Variants in POU6F2 observed in about 807,000 individuals in gnomAD.
The protein encoded by POU6F2 is POU domain, class 6, transcription factor 2.
A neutral mutation model predicts 71.3 loss-of-function variants in POU6F2; 31 were observed. The observed-to-expected ratio is 0.43, with a 90% confidence interval of 0.33 to 0.59. POU6F2 has a LOEUF of 0.59. POU6F2 is among the 20% of genes least tolerant of loss of function. POU6F2 has a pLI of 0.04. For synonymous variants in POU6F2, 347 were observed against 355.7 expected, an observed-to-expected ratio of 0.98 and a Z score of 0.27; for missense variants, 783 against 856.8, an observed-to-expected ratio of 0.91 and a Z score of 1.07.
chr7:38,996,586 C>T (rs1366421419), intron 1 of POU6F2, among the ~76,000 whole-genome samples: 1 of 152,156 alleles, frequency 6.6e-6, no homozygotes, highest in Admixed American at 6.5e-5. Context: ...AGAAAACATC[C>T]ATGACTTTCC....
chr7:39,269,721 G>A (rs1258091128), intron 4 of POU6F2, among the ~76,000 whole-genome samples: 2 of 152,174 alleles, frequency 1.3e-5, no homozygotes, highest in African/African-American at 4.8e-5. Context: ...AAGCCTGCTA[G>A]GGCTTTGTGT....
chr7:39,143,878 G>A (rs1417283227), intron 2 of POU6F2, among the ~76,000 whole-genome samples: 1 of 152,180 alleles, frequency 6.6e-6, no homozygotes, highest in Non-Finnish European at 1.5e-5. Flanking sequence ...TGAAGAAACT[G>A]AATTCCTGAG....
chr7:39,049,886 A>C (rs1049539070), intron 1 of POU6F2, among the ~76,000 whole-genome samples: 3 of 151,966 alleles, frequency 2.0e-5, no homozygotes, highest in Non-Finnish European at 2.9e-5. Context: ...TTATCTGCTA[A>C]ATTTGGCATC....
At chr7:39,041,580 G>C (rs886990753) in intron 1 of POU6F2, among the ~76,000 whole-genome samples, 11 of 151,542 alleles carry the variant, frequency 7.3e-5, no homozygotes, top group Non-Finnish European at 1.5e-4. Context: ...TATGTTTATT[G>C]GTCATTTGAA....
At chr7:39,450,067 ACT>A (rs952475891) in intron 7 of POU6F2, among the ~76,000 whole-genome samples, 2 of 152,150 alleles carry the variant, frequency 1.3e-5, no homozygotes, top group African/African-American at 2.4e-5. Flanking sequence ...AACTCATCAA[ACT>A]CTGTGTTTAA....
chr7:39,210,734 T>C (rs1018978993), intron 4 of POU6F2, among the ~76,000 whole-genome samples: 1 of 152,084 alleles, frequency 6.6e-6, no homozygotes, highest in African/African-American at 2.4e-5. Flanking sequence ...GATCTCAGGC[T>C]CTACCCGAGA....
At chr7:39,243,357 C>T (rs1448629000) in intron 4 of POU6F2, among the ~76,000 whole-genome samples, 1 of 152,028 alleles carries the variant, frequency 6.6e-6, no homozygotes, top group Non-Finnish European at 1.5e-5. Context: ...CTCCACTGCA[C>T]CCCCTGCACC....
At chr7:39,025,809 G>T (rs996759639) in intron 1 of POU6F2, among the ~76,000 whole-genome samples, 36 of 151,394 alleles carry the variant, frequency 2.4e-4, no homozygotes, top group African/African-American at 8.7e-4. Context: ...AGAGTGAACA[G>T]GCAACCTACA....
intron 5 of POU6F2, among the ~76,000 whole-genome samples, chr7:39,376,512 T>C (rs1387393793): frequency 6.6e-6 from 1 of 152,110 alleles, no homozygotes; most frequent in Admixed American, 6.5e-5. Context: ...CTGTGCTTGG[T>C]GCTGAAAAAG....
At chr7:39,180,785 G>T (rs922318952) in intron 2 of POU6F2, among the ~76,000 whole-genome samples, 2 of 152,042 alleles carry the variant, frequency 1.3e-5, no homozygotes, top group East Asian at 3.9e-4. Flanking sequence ...CCCATTACTG[G>T]CTTCAGTTTC....
chr7:39,015,821 TTATATATAGATATATAATATATTA>T (rs1789490131), intron 1 of POU6F2, among the ~76,000 whole-genome samples: 1 of 70,510 alleles, frequency 1.4e-5, no homozygotes, highest in African/African-American at 5.1e-5. Context: ...TAGGTATATA[TTATATATAGATATATAATATATTA>T]TATATAGATA....
At chr7:39,273,972 A>T (rs1784387449) in intron 4 of POU6F2, among the ~76,000 whole-genome samples, 2 of 152,208 alleles carry the variant, frequency 1.3e-5, no homozygotes, top group African/African-American at 4.8e-5. Flanking sequence ...TAACTGCATG[A>T]CTATGGCAAC....
At position 39,085,978 on chromosome 7, in the gene POU6F2, T is replaced by C; in HGVS notation, c.224T>C (p.Leu75Pro). 1 of 1,613,780 alleles carries C rather than the reference T, an allele frequency of 6.2e-7. No homozygotes were observed. Among genetic ancestry groups the C allele is most frequent in the Non-Finnish European group, 8.5e-7 (1 of 1,179,802 alleles). The stretch of plus-strand genomic sequence containing the variant: ...TCAGACAGCGAGCTGAATGAGCCCC[T>C]GCTTGCGCCTGTGGAATCAAATGAC... ...ATSDSELNEP[L>P]LAPVESNDSE... The change falls in exon 2 of 10, where the codon CTG becomes CCG. Residue 75 changes from leucine to proline, a missense_variant. Leu to Pro is a moderately conservative substitution (Grantham distance 98). Around this residue, in one of 2 missense-constraint regions of POU6F2, gnomAD observed 572 missense variants for 572.9 expected, o/e 1.00. Coordinates refer to ENST00000518318, the MANE Select transcript of POU6F2 (RefSeq NM_001370959.1).
intron 4 of POU6F2, among the ~76,000 whole-genome samples, chr7:39,298,894 A>T (rs926149271): frequency 2.0e-5 from 3 of 152,194 alleles, no homozygotes; most frequent in Non-Finnish European, 4.4e-5. Flanking sequence ...TCCTCAGCAA[A>T]CTAACACAGG....
In POU6F2 at chr7:39,075,255, A is replaced by C. The variant is rs79327780; in HGVS notation, c.106-10605A>C. On this transcript the variant is annotated intron_variant, in intron 1 of 9. Transcript: ENST00000518318. ...TCCCTGGTGTTGAAGTGCCCGGTCC[A>C]ATGTCACAGCCCAAGAAAGCTAGAC... 7.6e-4 allele frequency among the ~76,000 whole-genome samples: 115 copies of C among 152,268 alleles called. 1 individual carries two copies. Among genetic ancestry groups the C allele is most frequent in the African/African-American group, 2.6e-3 (109 of 41,556 alleles).
intron 5 of POU6F2, among the ~76,000 whole-genome samples, chr7:39,385,675 C>T (rs187774263): frequency 2.0e-5 from 3 of 152,280 alleles, no homozygotes; most frequent in South Asian, 2.1e-4. Flanking sequence ...ATGGGGATGC[C>T]GTAGTGCCCC....
At chr7:39,050,288 G>A (rs1790377768) in intron 1 of POU6F2, among the ~76,000 whole-genome samples, 1 of 152,130 alleles carries the variant, frequency 6.6e-6, no homozygotes, top group African/African-American at 2.4e-5. Context: ...GAGAGATTGG[G>A]CCCAAACACT....
At chr7:39,409,620 A>C (rs1787510200) in intron 6 of POU6F2, among the ~76,000 whole-genome samples, 1 of 151,816 alleles carries the variant, frequency 6.6e-6, no homozygotes, top group African/African-American at 2.4e-5. Flanking sequence ...CAGGGCCCAC[A>C]GCCTATGCCA....
chr7:38,989,148 G>A (rs1046649452), intron 1 of POU6F2, among the ~76,000 whole-genome samples: 1 of 152,028 alleles, frequency 6.6e-6, no homozygotes, highest in Admixed American at 6.6e-5. Context: ...AGCCACACTA[G>A]CCTCAAATAG....
Sources: allele counts gnomAD v4.1 joint callset (sites outside exome capture counted in the v4.1 genomes callset), GRCh38; gene constraint gnomAD v4.1.1; regional missense constraint gnomAD v4.1.1; transcripts MANE v1.5; gene names NCBI Gene and HGNC (gene_info 2026-07-23, HGNC 2026-07-21).